The following LTBP1 variants were observed in gnomAD, a reference collection of about 807,000 sequenced individuals.
The protein encoded by LTBP1 is latent-transforming growth factor beta-binding protein 1.
A neutral mutation model predicts 207.6 loss-of-function variants in LTBP1; 129 were observed. The ratio of observed to expected loss-of-function variants is 0.62; its 90% confidence interval spans 0.54 to 0.72. LTBP1 has a LOEUF of 0.72. LTBP1 is among the 30% of genes least tolerant of loss of function. The pLI is 0.00. For missense variants in LTBP1, 2,281 were observed against 2,217.2 expected (o/e 1.03, Z -0.58); for synonymous variants, 963 against 833.7 (o/e 1.16, Z -2.67).
At chr2:33,037,263 G>A (rs940497235) in intron 3 of LTBP1, among the ~76,000 whole-genome samples, 3 of 152,130 alleles carry the variant, frequency 2.0e-5, no homozygotes, top group Admixed American at 6.5e-5. Context: ...CTATCCTACT[G>A]TGTTGGTCTT....
intron 5 of LTBP1, among the ~76,000 whole-genome samples, chr2:33,164,094 T>C (rs974067129): frequency 3.3e-5 from 5 of 151,970 alleles, no homozygotes; most frequent in Admixed American, 6.5e-5. Flanking sequence ...TTCATGCCTG[T>C]AATCCCAGCA....
intron 3 of LTBP1, among the ~76,000 whole-genome samples, chr2:33,022,263 C>G (rs1255846880): frequency 9.7e-6 from 1 of 102,952 alleles, no homozygotes; most frequent in Non-Finnish European, 2.1e-5. Context: ...CTCCTCAATC[C>G]TCTTTTTTTT....
intron 7 of LTBP1, among the ~76,000 whole-genome samples, chr2:33,189,992 G>C (rs533931600): frequency 6.6e-6 from 1 of 152,196 alleles, no homozygotes; most frequent in East Asian, 1.9e-4. Context: ...ATACCACTGC[G>C]CTCCAGCCTG....
chr2:33,204,769 A>G (rs984983474), intron 7 of LTBP1, among the ~76,000 whole-genome samples: 36 of 152,270 alleles, frequency 2.4e-4, no homozygotes, highest in Middle Eastern at 3.4e-3. Flanking sequence ...TTCGTAAGAC[A>G]ATGCATTTTT....
intron 24 of LTBP1, among the ~76,000 whole-genome samples, chr2:33,318,830 CT>C (rs1318669598): frequency 2.1e-4 from 32 of 152,192 alleles, no homozygotes; most frequent in Non-Finnish European, 1.6e-4. Flanking sequence ...AATCATAATT[CT>C]TTTGCCTTTT....
intron 10 of LTBP1, among the ~76,000 whole-genome samples, chr2:33,251,365 G>T (rs1362152223): frequency 6.6e-6 from 1 of 152,136 alleles, no homozygotes; most frequent in Non-Finnish European, 1.5e-5. Flanking sequence ...CCCTAAAAGA[G>T]ATGCTAGAGG....
At chr2:33,288,118 C>G (rs1202671367) in intron 19 of LTBP1, among the ~76,000 whole-genome samples, 1 of 152,182 alleles carries the variant, frequency 6.6e-6, no homozygotes, top group Non-Finnish European at 1.5e-5. Flanking sequence ...GATTAAGGAA[C>G]AAATTGAATT....
At chr2:33,175,152 C>T (rs1428113378) in intron 5 of LTBP1, among the ~76,000 whole-genome samples, 1 of 151,248 alleles carries the variant, frequency 6.6e-6, no homozygotes, top group African/African-American at 2.4e-5. Flanking sequence ...CCAGAATTGA[C>T]AAATGGGATC....
chr2:33,049,937 G>T (rs1374180498), intron 3 of LTBP1, among the ~76,000 whole-genome samples: 1 of 151,792 alleles, frequency 6.6e-6, no homozygotes, highest in Non-Finnish European at 1.5e-5. Flanking sequence ...GGACTCCTGG[G>T]CTCAAGCGAT....
At position 33,078,571 on chromosome 2, in the gene LTBP1, A is replaced by T. The variant is rs114992049; in HGVS notation, c.864-32011A>T. ...GTTTGGGGAACAGTAAACATTGTTT[A>T]TATGGACGATTATGTTTAATTCAAA... On this transcript the variant is annotated intron_variant, in intron 3 of 33. Transcript: ENST00000404816. Among the ~76,000 whole-genome samples, 1,261 of 152,340 alleles carry T rather than the reference A, an allele frequency of 8.3e-3. 14 individuals carry two copies. The highest frequency in any genetic ancestry group is 0.028 in the African/African-American group (1,172 of 41,580).
At chr2:33,208,974 TCTC>T (rs1306657751) in intron 7 of LTBP1, among the ~76,000 whole-genome samples, 1 of 149,594 alleles carries the variant, frequency 6.7e-6, no homozygotes, top group Non-Finnish European at 1.5e-5. Context: ...TTCAAGCAAT[TCTC>T]CTGCCTCAGC....
Position 33,293,241 on chromosome 2 carries a change from A to G in LTBP1, c.3194A>G (p.His1065Arg), listed in dbSNP as rs148046561. 1.7e-5 allele frequency: 28 copies of G among 1,613,984 alleles called. No homozygotes were observed. The East Asian group carries it at 6.0e-4, about 35-fold the overall frequency. The change falls in exon 20 of 34, where the codon CAC (histidine) becomes CGC (arginine). Residue 1065 changes from histidine to arginine, a missense_variant. Physicochemically the swap from His to Arg is conservative, Grantham distance 29. Coordinates refer to ENST00000404816, the MANE Select transcript of LTBP1 (RefSeq NM_206943.4). ...NLEGSYMCSC[H>R]KGYTRTPDHK... Reference sequence around the variant, plus strand: ...GAAGGCTCCTACATGTGTTCATGCCACAAAGGCTATACCCGGACTCCGGAC... The same window carrying G: ...GAAGGCTCCTACATGTGTTCATGCCGCAAAGGCTATACCCGGACTCCGGAC...
At chr2:33,275,285 A>G (rs1398644263) in intron 17 of LTBP1, among the ~76,000 whole-genome samples, 195 bp downstream of exon 17, 2 of 152,118 alleles carry the variant, frequency 1.3e-5, no homozygotes, top group African/African-American at 4.8e-5. Context: ...AAAGAGTGTC[A>G]TATATGTGCA....
intron 32 of LTBP1, among the ~76,000 whole-genome samples, chr2:33,395,848 C>T (rs1275813149): frequency 6.6e-6 from 1 of 152,084 alleles, no homozygotes; most frequent in Admixed American, 6.6e-5. Flanking sequence ...CTGCCTGCTG[C>T]CCCCTGCAGT....
Position 33,240,645 on chromosome 2 carries a change from C to CTTTT in LTBP1, c.1877-2997_1877-2994dup, listed in dbSNP as rs869193074. 4.3e-3 allele frequency among the ~76,000 whole-genome samples: 432 copies of CTTTT among 100,588 alleles called. 1 individual carries two copies. Among genetic ancestry groups the CTTTT allele is most frequent in the Middle Eastern group, 6.9e-3 (1 of 144 alleles). 66.0% of individuals were successfully genotyped at this position (100,588 alleles called of 152,430 possible). On this transcript the variant is annotated intron_variant, in intron 9 of 33. Coordinates refer to ENST00000404816, the MANE Select transcript of LTBP1 (RefSeq NM_206943.4). ...AACCTTCTCAGGTGATGGAAACATT[C>CTTTT]TTTTTTTTTTTTTTTTTTTTTTTGA...
chr2:33,137,844 C>T (rs1194263552), intron 5 of LTBP1, among the ~76,000 whole-genome samples: 1 of 152,120 alleles, frequency 6.6e-6, no homozygotes, highest in Non-Finnish European at 1.5e-5. Flanking sequence ...TGCCTAGAAC[C>T]TAGATATCCT....
chr2:33,167,087 C>G (rs976314655), intron 5 of LTBP1, among the ~76,000 whole-genome samples: 2 of 152,096 alleles, frequency 1.3e-5, no homozygotes, highest in Admixed American at 1.3e-4. Flanking sequence ...AGAGTCAGTT[C>G]TTTTGTCCCT....
chr2:33,170,437 C>CGGCCAG (rs2085323705), intron 5 of LTBP1, among the ~76,000 whole-genome samples: 1 of 152,170 alleles, frequency 6.6e-6, no homozygotes, highest in African/African-American at 2.4e-5. Flanking sequence ...TGCAAGGCCG[C>CGGCCAG]GGCCAGGCTG....
intron 25 of LTBP1, 40 bp downstream of exon 25, chr2:33,343,003 C>G: frequency 6.3e-7 from 1 of 1,584,830 alleles, no homozygotes; most frequent in Non-Finnish European, 8.6e-7. Context: ...TTCACATGTC[C>G]CTAGGGAAAA....
Sources: gnomAD v4.1 joint callset for allele counts (sites outside exome capture counted in the v4.1 genomes callset) on GRCh38, gnomAD v4.1.1 for gene constraint, MANE v1.5 for transcripts, NCBI Gene and HGNC (gene_info 2026-07-23, HGNC 2026-07-21) for gene names.